RIMS2: variants seen among roughly 807,000 people sequenced by gnomAD.
RIMS2 encodes regulating synaptic membrane exocytosis 2.
A neutral mutation model predicts 174.4 loss-of-function variants in RIMS2; 59 were observed. The observed-to-expected ratio is 0.34, with a 90% CI of 0.27 to 0.42. RIMS2 has a LOEUF of 0.42. Ranked by LOEUF, RIMS2 falls within the 10% of genes least tolerant of loss-of-function variation. The pLI, the probability that RIMS2 is intolerant of heterozygous loss-of-function variation, is 1.00. For missense variants in RIMS2, 1,620 were observed against 1,666.3 expected, an observed-to-expected ratio of 0.97 and a Z score of 0.48; for synonymous variants, 606 against 572.5, an observed-to-expected ratio of 1.06 and a Z score of -0.84.
chr8:103,778,524 C>G (rs968351281), intron 3 of RIMS2, among the ~76,000 whole-genome samples: 1 of 152,046 alleles, frequency 6.6e-6, no homozygotes, highest in Non-Finnish European at 1.5e-5. Flanking sequence ...GTCTTCTGTG[C>G]TTGGCTTATT....
In RIMS2 at chr8:104,097,972, A is replaced by G. The variant is rs80066092; in HGVS notation, c.3334+83357A>G. ...GTTTAACATTTATAGCAATGCTAGT[A>G]CTTACAATTAACACAGTAACTAAAA... On this transcript the variant is annotated intron_variant, in intron 19 of 23. Coordinates refer to ENST00000504942, the Ensembl canonical transcript of RIMS2. Among the ~76,000 whole-genome samples, 1,184 of 152,300 alleles carry G rather than the reference A, an allele frequency of 7.8e-3. 26 individuals are homozygous for G. Among genetic ancestry groups the G allele is most frequent in the African/African-American group, 0.027 (1,114 of 41,568 alleles).
intron 11 of RIMS2, among the ~76,000 whole-genome samples, chr8:103,928,892 A>G (rs1429131094): frequency 1.3e-5 from 2 of 151,578 alleles, no homozygotes; most frequent in African/African-American, 2.4e-5. Flanking sequence ...CAACAGCTAT[A>G]TTTTAAACAC....
At chr8:104,108,588 C>T (rs76198315) in intron 19 of RIMS2, among the ~76,000 whole-genome samples, 1,941 of 152,216 alleles carry the variant, frequency 0.013, 48 homozygotes, top group African/African-American at 0.045. Flanking sequence ...CATAAGCCAC[C>T]ATACCCAGCC....
intron 1 of RIMS2, among the ~76,000 whole-genome samples, chr8:103,589,756 A>G (rs896689792): frequency 6.6e-6 from 1 of 151,670 alleles, no homozygotes; most frequent in African/African-American, 2.4e-5. Flanking sequence ...GTCATAAAAA[A>G]GAATGAGATT....
intron 3 of RIMS2, among the ~76,000 whole-genome samples, chr8:103,786,762 A>T (rs1221652109): frequency 6.6e-6 from 1 of 152,088 alleles, no homozygotes; most frequent in Non-Finnish European, 1.5e-5. Context: ...TTTGGGGTGG[A>T]GAGTTCTGTA....
intron 3 of RIMS2, among the ~76,000 whole-genome samples, chr8:103,825,639 T>C (rs1416397365): frequency 6.6e-6 from 1 of 152,120 alleles, no homozygotes; most frequent in Non-Finnish European, 1.5e-5. Flanking sequence ...GAGTAGTTTT[T>C]TCCTGTTCAT....
At chr8:103,780,347 TC>T (rs1429314200) in intron 3 of RIMS2, among the ~76,000 whole-genome samples, 1 of 152,214 alleles carries the variant, frequency 6.6e-6, no homozygotes, top group Non-Finnish European at 1.5e-5. Context: ...TTGCTCTTGT[TC>T]AACTCCCTCT....
At chr8:104,041,202 C>T in intron 19 of RIMS2, 124 bp from the exon 22 acceptor site, 1 of 464,100 alleles carries the variant, frequency 2.2e-6, no homozygotes, top group Non-Finnish European at 3.9e-6. Flanking sequence ...TAAAACTGTA[C>T]ACAGGATTCT....
At chr8:103,724,853 A>G (rs2097506153) in intron 2 of RIMS2, among the ~76,000 whole-genome samples, 2 of 152,158 alleles carry the variant, frequency 1.3e-5, no homozygotes, top group South Asian at 4.1e-4. Context: ...TTTTGCCAGT[A>G]CAAGTACCAC....
intron 19 of RIMS2, among the ~76,000 whole-genome samples, chr8:104,097,753 C>T (rs920856167): frequency 2.0e-5 from 3 of 152,144 alleles, no homozygotes; most frequent in African/African-American, 4.8e-5. Context: ...TTAGGGAATG[C>T]TCAACCTATA....
chr8:103,582,200 G>A (rs953947639), intron 1 of RIMS2, among the ~76,000 whole-genome samples: 3 of 152,120 alleles, frequency 2.0e-5, no homozygotes, highest in Non-Finnish European at 4.4e-5. Flanking sequence ...GGAACCCACT[G>A]CCTTGAAGGA....
chr8:103,589,008 C>T (rs116874958), intron 1 of RIMS2, among the ~76,000 whole-genome samples: 1 of 151,836 alleles, frequency 6.6e-6, no homozygotes, highest in Admixed American at 6.6e-5. Context: ...GCAAACTACC[C>T]GTTTTCACCA....
intron 1 of RIMS2, among the ~76,000 whole-genome samples, chr8:103,636,792 C>T (rs1270274728): frequency 2.3e-5 from 1 of 44,194 alleles, no homozygotes; most frequent in African/African-American, 1.1e-4. Context: ...CCCCGCACCC[C>T]CCCCCCCCCA....
intron 4 of RIMS2, among the ~76,000 whole-genome samples, chr8:103,889,958 T>A (rs1163935035): frequency 1.3e-5 from 2 of 151,984 alleles, no homozygotes; most frequent in Non-Finnish European, 2.9e-5. Context: ...TATGTGATTT[T>A]GTTCTACCTT....
In RIMS2 at chr8:104,223,533, G is replaced by T. The variant is rs370210327; in HGVS notation, c.3335-21383G>T. 1.5e-5 allele frequency: 22 copies of T among 1,421,752 alleles called. No homozygotes were observed. In the East Asian group the frequency reaches 3.2e-4, roughly 21 times the overall value. 88.1% of individuals were successfully genotyped at this position (1,421,752 alleles called of 1,614,324 possible). A position where few individuals can be genotyped will look rare whatever the true frequency, so the allele number is the denominator to read the frequency against. On this transcript the variant is annotated intron_variant, in intron 19 of 23. Coordinates refer to ENST00000504942, the Ensembl canonical transcript of RIMS2. ...GGGAGGCAGGGGCCAGAGCCTCAGG[G>T]TCCCGTGGCACCAACCTGGCTTCTG...
chr8:103,536,147 G>A (rs551895626), intron 1 of RIMS2, among the ~76,000 whole-genome samples: 1 of 152,060 alleles, frequency 6.6e-6, no homozygotes, highest in Non-Finnish European at 1.5e-5. Flanking sequence ...TTATTTTCTG[G>A]GAATGGAAAC....
At chr8:104,190,931 T>C (rs916984225) in intron 19 of RIMS2, among the ~76,000 whole-genome samples, 2 of 110,028 alleles carry the variant, frequency 1.8e-5, no homozygotes, top group African/African-American at 8.2e-5. Flanking sequence ...TCTTCTCTTT[T>C]TTTGTTTTTT....
chr8:104,212,664 A>G (rs957745497), intron 19 of RIMS2, among the ~76,000 whole-genome samples: 1 of 151,736 alleles, frequency 6.6e-6, no homozygotes, highest in African/African-American at 2.4e-5. Flanking sequence ...TTCTTTACTC[A>G]AGAGAACAGT....
At chr8:103,763,945 T>C (rs1414239187) in intron 2 of RIMS2, among the ~76,000 whole-genome samples, 1 of 152,196 alleles carries the variant, frequency 6.6e-6, no homozygotes, top group South Asian at 2.1e-4. Flanking sequence ...ATCTCTGCCA[T>C]AGACCGGTGG....
Sources: gnomAD v4.1 joint callset for allele counts (sites outside exome capture counted in the v4.1 genomes callset) on GRCh38, gnomAD v4.1.1 for gene constraint, MANE v1.5 for transcripts, NCBI Gene and HGNC (gene_info 2026-07-23, HGNC 2026-07-21) for gene names.